The following ACO1 variants were observed in gnomAD, a reference collection of about 807,000 sequenced individuals.
The protein encoded by ACO1 is aconitase 1.
Under a neutral mutation model 105.1 loss-of-function variants are expected in ACO1, and 78 were observed. That is an observed-to-expected ratio of 0.74 (90% confidence interval 0.62 to 0.90). The LOEUF (loss-of-function observed/expected upper bound fraction) is 0.90. Ranked by LOEUF, ACO1 falls within the 40% of genes least tolerant of loss-of-function variation. The pLI, the probability that ACO1 is intolerant of heterozygous loss-of-function variation, is 0.00. For synonymous variants in ACO1, 364 were observed against 397.4 expected, an observed-to-expected ratio of 0.92 and a Z score of 1.00; for missense variants, 965 against 1,111.1, an observed-to-expected ratio of 0.87 and a Z score of 1.87.
In ACO1 at chr9:32,451,035, AGAAG is replaced by A. The variant is rs1242636273; in HGVS notation, c.*929_*932del. ...GCTCTTCCCTGTTTGGGAGCAGACA[AGAAG>A]GAAGAGTAGCCTGGTGGCAGTGGCA... On this transcript the variant is annotated 3_prime_UTR_variant, in exon 21 of 21. Coordinates refer to ENST00000309951, the MANE Select transcript of ACO1 (RefSeq NM_002197.3). The A allele has an allele frequency of 1.3e-5, 2 of 152,294 alleles. No homozygotes were observed. The highest frequency in any genetic ancestry group is 3.9e-4 in the East Asian group (2 of 5,180). 9.4% of individuals were successfully genotyped at this position (152,294 alleles called of 1,614,324 possible).
At chr9:32,420,606 T>C (rs1188154123) in intron 7 of ACO1, among the ~76,000 whole-genome samples, 2 of 152,234 alleles carry the variant, frequency 1.3e-5, no homozygotes, top group African/African-American at 2.4e-5. Flanking sequence ...GGTGTGGTAC[T>C]CTTAACTACA....
rs1236455222 is a variant in ACO1, at chr9:32,433,795, C to A, written c.1919C>A (p.Ser640Tyr). 1 of 1,612,336 alleles carries A rather than the reference C, an allele frequency of 6.2e-7. No homozygotes were observed. The highest frequency in any genetic ancestry group is 1.7e-5 in the Admixed American group (1 of 59,648). The change falls in exon 16 of 21, where the codon TCT becomes TAT. Residue 640 changes from serine to tyrosine, a missense_variant. Ser to Tyr is a moderately radical substitution (Grantham distance 144). Coordinates refer to ENST00000309951, the MANE Select transcript of ACO1 (RefSeq NM_002197.3). ...SDKLFFWNSK[S>Y]TYIKSPPFFE... ...AAGCTGTTTTTCTGGAATTCCAAATCTACGTATATCAAATCACCACCATTC... is the reference window on the plus strand; with the variant it reads ...AAGCTGTTTTTCTGGAATTCCAAATATACGTATATCAAATCACCACCATTC...
At position 32,439,623 on chromosome 9, in the gene ACO1, A is replaced by T. The variant is rs1431420334; in HGVS notation, c.2248-842A>T. On this transcript the variant is annotated intron_variant, in intron 18 of 20. Coordinates refer to ENST00000309951, the MANE Select transcript of ACO1 (RefSeq NM_002197.3). This position sits in a 1 kb window ranked among gnomAD's most constrained non-coding sequence, Gnocchi z 4.0. ...GATGTTTCTCATGTACTAAAATATT[A>T]ATCTTTTTCTACCTTTTATTGGGCT... is the stretch of plus-strand genomic sequence containing the variant. 6.6e-6 allele frequency among the ~76,000 whole-genome samples: 1 copy of T among 152,178 alleles called. No individual in the cohort carries two copies.
At chr9:32,424,141 C>T (rs1012183100) in intron 9 of ACO1, among the ~76,000 whole-genome samples, 5 of 152,174 alleles carry the variant, frequency 3.3e-5, no homozygotes, top group African/African-American at 7.2e-5. Context: ...GATAACTTAA[C>T]GGCTGCATCC....
At chr9:32,427,194 T>C (rs753567764) in intron 11 of ACO1, 107 bp from the exon 12 acceptor site, 10 of 1,395,904 alleles carry the variant, frequency 7.2e-6, no homozygotes, top group Non-Finnish European at 9.7e-6. Context: ...CGTGGTCAGG[T>C]GGTGGCAGGA....
intron 1 of ACO1, among the ~76,000 whole-genome samples, chr9:32,390,636 A>T (rs867153921): frequency 6.6e-6 from 1 of 152,268 alleles, no homozygotes; most frequent in South Asian, 2.1e-4. Flanking sequence ...AATTTTGAGT[A>T]TAAAAGAAAT....
intron 1 of ACO1, among the ~76,000 whole-genome samples, chr9:32,402,171 A>C (rs1379556157): frequency 6.6e-6 from 1 of 151,392 alleles, no homozygotes; most frequent in Non-Finnish European, 1.5e-5. Context: ...AAAAGATACC[A>C]TTTCCCATTC....
At chr9:32,417,690 C>T (rs1451318020) in intron 4 of ACO1, among the ~76,000 whole-genome samples, 5 of 152,136 alleles carry the variant, frequency 3.3e-5, no homozygotes, top group Admixed American at 2.6e-4. Context: ...AGTTTTCTGT[C>T]TCCCAACATA....
chr9:32,447,271 C>G (rs1393748843), intron 19 of ACO1, among the ~76,000 whole-genome samples: 1 of 152,120 alleles, frequency 6.6e-6, no homozygotes, highest in Non-Finnish European at 1.5e-5. Context: ...TTTCTTTTCA[C>G]TCTTTTTTCT....
intron 19 of ACO1, among the ~76,000 whole-genome samples, chr9:32,447,252 C>G (rs969138020): frequency 6.6e-6 from 1 of 152,122 alleles, no homozygotes; most frequent in African/African-American, 2.4e-5. Flanking sequence ...TTCTTGGAGG[C>G]TTTCTCTGTT....
chr9:32,424,717 G>C, intron 10 of ACO1, 52 bp downstream of exon 10: 1 of 1,229,628 alleles, frequency 8.1e-7, no homozygotes, highest in Non-Finnish European at 1.2e-6. Context: ...CTCTTGCCTG[G>C]TTACTCAGCG....
At chr9:32,396,475 C>CT (rs527358338) in intron 1 of ACO1, among the ~76,000 whole-genome samples, 23 of 152,218 alleles carry the variant, frequency 1.5e-4, no homozygotes, top group East Asian at 7.7e-4. Context: ...CTGTCTTCCC[C>CT]TTTTTTTGCC....
intron 7 of ACO1, among the ~76,000 whole-genome samples, chr9:32,419,967 A>G (rs148233794): frequency 6.0e-4 from 92 of 152,352 alleles, no homozygotes; most frequent in African/African-American, 2.2e-3. Context: ...AGTGCAAAAC[A>G]CATTTCTCTC....
intron 4 of ACO1, among the ~76,000 whole-genome samples, chr9:32,413,392 G>A (rs1044309005): frequency 3.3e-5 from 5 of 151,298 alleles, no homozygotes; most frequent in African/African-American, 9.8e-5. Context: ...GCTGAGACAG[G>A]GGAATCGCTT....
chr9:32,446,854 G>A (rs574669196), intron 19 of ACO1, among the ~76,000 whole-genome samples: 21 of 152,142 alleles, frequency 1.4e-4, no homozygotes, highest in East Asian at 3.9e-4. Context: ...AGCTTAGTTC[G>A]GCTGGATATG....
chr9:32,406,527 G>A (rs774808185), intron 2 of ACO1, among the ~76,000 whole-genome samples: 19 of 152,204 alleles, frequency 1.2e-4, no homozygotes, highest in Non-Finnish European at 2.2e-4. Flanking sequence ...GGAGGCTGAG[G>A]TGGGAGAATC....
intron 19 of ACO1, among the ~76,000 whole-genome samples, chr9:32,448,187 G>GT (rs1822664653): frequency 6.6e-6 from 1 of 152,196 alleles, no homozygotes; most frequent in African/African-American, 2.4e-5. Context: ...AGATGGGGGT[G>GT]TTATCTATAA....
Position 32,451,066 on chromosome 9 carries a change from C to T in ACO1, c.*955C>T, listed in dbSNP as rs1049162954. Reference sequence around the variant, plus strand: ...AAGAGTAGCCTGGTGGCAGTGGCAACGATATAAGTACATAAGGAAAAGCAG... The same window carrying T: ...AAGAGTAGCCTGGTGGCAGTGGCAATGATATAAGTACATAAGGAAAAGCAG... On this transcript the variant is annotated 3_prime_UTR_variant, in exon 21 of 21. Coordinates refer to ENST00000309951, the MANE Select transcript of ACO1 (RefSeq NM_002197.3). 1.3e-5 allele frequency: 2 copies of T among 148,498 alleles called. No individual in the cohort carries two copies. The highest frequency in any genetic ancestry group is 2.1e-4 in the South Asian group (1 of 4,802). The allele number at this position is 148,498 out of a possible 1,614,324, so 9.2% of individuals were successfully genotyped here.
intron 4 of ACO1, among the ~76,000 whole-genome samples, chr9:32,415,075 A>C (rs539965531): frequency 6.6e-6 from 1 of 152,284 alleles, no homozygotes; most frequent in East Asian, 1.9e-4. Flanking sequence ...CAGAGCAAAT[A>C]GAGCATGCAA....
Sources: gnomAD v4.1 joint callset for allele counts (sites outside exome capture counted in the v4.1 genomes callset) on GRCh38, gnomAD v4.1.1 for gene constraint, Gnocchi (gnomAD v3.1) non-coding constraint, MANE v1.5 for transcripts, NCBI Gene and HGNC (gene_info 2026-07-23, HGNC 2026-07-21) for gene names.